Variants in IL13RA1 observed in about 807,000 individuals in gnomAD.
IL13RA1 encodes the protein interleukin 13 receptor subunit alpha 1, also known as interleukin-13 receptor subunit alpha-1.
Under a neutral mutation model 33.8 loss-of-function variants are expected in IL13RA1, and 14 were observed. The ratio of observed to expected loss-of-function variants is 0.41; its 90% confidence interval spans 0.27 to 0.65. The LOEUF (loss-of-function observed/expected upper bound fraction) is 0.65. IL13RA1 is among the 30% of genes least tolerant of loss of function. The pLI is 0.28. For missense variants in IL13RA1, 313 were observed against 327.0 expected (o/e 0.96, Z 0.33); for synonymous variants, 116 against 115.7 (o/e 1.00, Z -0.02).
intron 8 of IL13RA1, among the ~76,000 whole-genome samples, chrX:118,768,586 G>A (rs1447653509): frequency 8.9e-6 from 1 of 112,231 alleles, no homozygotes; most frequent in Non-Finnish European, 1.9e-5. Flanking sequence ...TTGGAAATAG[G>A]ATTTTTGCAG....
intron 6 of IL13RA1, among the ~76,000 whole-genome samples, chrX:118,765,279 A>AT (rs1163582041): frequency 1.3e-5 from 1 of 77,171 alleles, no homozygotes; most frequent in Non-Finnish European, 2.6e-5. Flanking sequence ...TTTTTTTTGT[A>AT]TTTTTTAGTA....
chrX:118,749,588 C>A, intron 3 of IL13RA1, 70 bp from the exon 4 acceptor site: 2 of 1,044,806 alleles, frequency 1.9e-6, no homozygotes, highest in South Asian at 4.0e-5. Flanking sequence ...CATCCCCATG[C>A]CAAAGAGTGA....
intron 5 of IL13RA1, among the ~76,000 whole-genome samples, chrX:118,760,573 T>C (rs1183498536): frequency 3.6e-5 from 4 of 112,373 alleles, no homozygotes; most frequent in Non-Finnish European, 7.5e-5. Context: ...GTTCATATCA[T>C]CTGCTAGATA....
intron 2 of IL13RA1, among the ~76,000 whole-genome samples, chrX:118,743,537 T>C (rs772139829): frequency 6.4e-4 from 71 of 111,663 alleles, no homozygotes; most frequent in Non-Finnish European, 7.1e-4. Context: ...ATTTTAGATA[T>C]CTTTCATCAC....
intron 10 of IL13RA1, among the ~76,000 whole-genome samples, chrX:118,779,003 T>C (rs1319606025): frequency 8.9e-6 from 1 of 112,320 alleles, no homozygotes; most frequent in African/African-American, 3.2e-5. Flanking sequence ...TCTTGTAAGA[T>C]AGAATGCTTG....
chrX:118,776,625 T>G, intron 10 of IL13RA1, 114 bp downstream of exon 10: 2 of 404,057 alleles, frequency 4.9e-6, no homozygotes, highest in Non-Finnish European at 8.5e-6. Flanking sequence ...TTTATTATTT[T>G]AAGCATTTTT....
intron 4 of IL13RA1, among the ~76,000 whole-genome samples, chrX:118,756,403 C>T (rs1220044503): frequency 1.8e-5 from 2 of 111,031 alleles, no homozygotes; most frequent in African/African-American, 6.6e-5. Context: ...AGGTATGTGT[C>T]GAGGAGAAAT....
intron 6 of IL13RA1, among the ~76,000 whole-genome samples, chrX:118,763,624 GA>G (rs2017613733): frequency 1.8e-5 from 2 of 112,022 alleles, no homozygotes. Flanking sequence ...CCATGAAATA[GA>G]AACTATTTTA....
At chrX:118,735,208 T>A (rs2017267788) in intron 1 of IL13RA1, among the ~76,000 whole-genome samples, 1 of 111,185 alleles carries the variant, frequency 9.0e-6, no homozygotes, top group Non-Finnish European at 1.9e-5. Context: ...TTCAGTCTTC[T>A]TTCTTATTAG....
At chrX:118,745,617 C>T (rs1040571907) in intron 2 of IL13RA1, among the ~76,000 whole-genome samples, 4 of 111,972 alleles carry the variant, frequency 3.6e-5, no homozygotes, top group Non-Finnish European at 5.6e-5. Context: ...CCCTCATGCT[C>T]AGCTGGCAGC....
At position 118,741,050 on chromosome X, in the gene IL13RA1, C is replaced by T; in HGVS notation, c.122C>T (p.Ser41Phe). ...CCACCTGTGACAAATTTGAGTGTCT[C>T]TGTTGAAAACCTCTGCACAGTAATA... ...TQPPVTNLSVSVENLCTVIWT... is the reference protein window; with the variant it reads ...TQPPVTNLSVFVENLCTVIWT... The change falls in exon 2 of 11, where the codon TCT becomes TTT. Residue 41 changes from serine (S) to phenylalanine (F), a missense_variant. By Grantham distance (155) the Ser-to-Phe change is radical (BLOSUM62 -2). Transcript: ENST00000371666. The T allele has an allele frequency of 9.0e-7, 1 of 1,109,736 alleles. No homozygotes were observed. The highest frequency in any genetic ancestry group is 1.2e-6 in the Non-Finnish European group (1 of 802,867). 91.5% of individuals were successfully genotyped at this position (1,109,736 alleles called of 1,213,427 possible).
intron 2 of IL13RA1, among the ~76,000 whole-genome samples, chrX:118,744,735 A>G (rs183825539): frequency 1.3e-3 from 142 of 111,963 alleles, no homozygotes; most frequent in African/African-American, 4.4e-3. Flanking sequence ...TAAATTAAAA[A>G]TTCCATTGTG....
At chrX:118,731,167 A>G (rs2017213544) in intron 1 of IL13RA1, among the ~76,000 whole-genome samples, 2 of 112,032 alleles carry the variant, frequency 1.8e-5, no homozygotes. Context: ...TTCTGAAGTC[A>G]GTGGTGCAAT....
chrX:118,800,588 G>C, the IL13RA1 span, among the ~76,000 whole-genome samples: 1 of 110,802 alleles, frequency 9.0e-6, no homozygotes, highest in East Asian at 2.9e-4. Flanking sequence ...CTTAAGAGCT[G>C]TAACAGTCAC....
intron 10 of IL13RA1, among the ~76,000 whole-genome samples, chrX:118,787,619 T>A (rs766126879): frequency 1.4e-4 from 16 of 111,751 alleles, no homozygotes; most frequent in Admixed American, 9.5e-4. Flanking sequence ...CATCTCTATC[T>A]ATGACTGCAT....
intron 4 of IL13RA1, among the ~76,000 whole-genome samples, chrX:118,753,606 G>A (rs962838911): frequency 4.4e-5 from 5 of 113,009 alleles, no homozygotes; most frequent in African/African-American, 1.3e-4. Context: ...TGCCCACTGC[G>A]GCTTCAACCA....
intron 8 of IL13RA1, among the ~76,000 whole-genome samples, chrX:118,768,476 C>T (rs762357894): frequency 8.9e-6 from 1 of 111,916 alleles, no homozygotes; most frequent in East Asian, 2.8e-4. Flanking sequence ...GCCTCAGTAC[C>T]TCACTGGTTG....
At chrX:118,747,664 A>T (rs2017421787) in intron 3 of IL13RA1, among the ~76,000 whole-genome samples, 2 of 111,719 alleles carry the variant, frequency 1.8e-5, no homozygotes, top group African/African-American at 6.5e-5. Context: ...TAGACAAGAT[A>T]GTACAAGACA....
rs747793072 is a variant in IL13RA1 at position 118,749,850 on chromosome X, C to CA, written c.488+82dup. 2,402 of 592,084 alleles carry CA rather than the reference C, an allele frequency of 4.1e-3. 1 individual carries two copies. Among genetic ancestry groups the CA allele is most frequent in the East Asian group, 5.5e-3 (135 of 24,446 alleles). The allele number at this position is 592,084 out of a possible 1,213,427, so 48.8% of individuals were successfully genotyped here. On this transcript the variant is annotated intron_variant, in intron 4 of 10. Coordinates refer to ENST00000371666, the MANE Select transcript of IL13RA1 (RefSeq NM_001560.3). ...TGGGAGCCTTTGGATCCAACCTAGT[C>CA]AAAAAAAAAAGAACTGTTTAATTTT...
Sources: gnomAD v4.1 joint callset for allele counts (sites outside exome capture counted in the v4.1 genomes callset) on GRCh38, gnomAD v4.1.1 for gene constraint, MANE v1.5 for transcripts, NCBI Gene and HGNC (gene_info 2026-07-23, HGNC 2026-07-21) for gene names.